The following SNRPN variants were observed in gnomAD, a reference collection of about 807,000 sequenced individuals.
The protein encoded by SNRPN is small nuclear ribonucleoprotein-associated protein N.
SNRPN carries 7 observed loss-of-function variants against 25.2 expected under a neutral mutation model. The ratio of observed to expected loss-of-function variants is 0.28; its 90% CI spans 0.16 to 0.52. SNRPN has a LOEUF of 0.52. Ranked by LOEUF, SNRPN falls within the 20% of genes least tolerant of loss-of-function variation. The pLI is 0.96. For synonymous variants in SNRPN, 124 were observed against 110.6 expected (o/e 1.12, Z -0.76); for missense variants, 196 against 322.5 (o/e 0.61, Z 3.00).
chr15:24,908,158 C>T (rs2058973924), intron 2 of SNRPN, among the ~76,000 whole-genome samples: 1 of 151,688 alleles, frequency 6.6e-6, no homozygotes, highest in Non-Finnish European at 1.5e-5. Flanking sequence ...AATTGGACTT[C>T]CTGACTCCAG....
At position 24,836,162 on chromosome 15, in the gene SNRPN, C is replaced by G. The variant is rs181676191; in HGVS notation, c.-579+6257C>G. ...TCACCTCTTCCTTCCCCTGTGCTTG[C>G]ACATCCCTGGTTCTCTCATCCAAGC... On this transcript the variant is annotated intron_variant, in intron 2 of 12. Coordinates refer to the SNRPN transcript ENST00000400100. 4.8e-3 allele frequency among the ~76,000 whole-genome samples: 731 copies of G among 152,144 alleles called. 2 individuals carry two copies. Among genetic ancestry groups the G allele is most frequent in the Non-Finnish European group, 7.6e-3 (515 of 68,038 alleles).
chr15:24,964,254 TGTC>T (rs1443229007), intron 2 of SNRPN, among the ~76,000 whole-genome samples: 28 of 152,228 alleles, frequency 1.8e-4, no homozygotes, highest in Non-Finnish European at 4.0e-4. Context: ...TAATATAATT[TGTC>T]CTTTATATAT....
intron 2 of SNRPN, chr15:24,908,819 T>C: frequency 1.9e-6 from 1 of 515,286 alleles, no homozygotes; most frequent in Non-Finnish European, 3.3e-6. Flanking sequence ...TCTGGAAATC[T>C]TTCTCTAGAG....
intron 3 of SNRPN, among the ~76,000 whole-genome samples, chr15:24,928,045 A>T (rs2060532517): frequency 6.6e-6 from 1 of 152,354 alleles, no homozygotes; most frequent in African/African-American, 2.4e-5. Context: ...ATCTCATCCC[A>T]GTTAGAATTT....
upstream of SNRPN, chr15:24,954,886 C>A: frequency 9.9e-7 from 1 of 1,005,152 alleles, no homozygotes; most frequent in Non-Finnish European, 1.5e-6. Context: ...GACCCCTGCA[C>A]TGCGGCAAAC....
intron 1 of SNRPN, among the ~76,000 whole-genome samples, chr15:24,863,696 C>G (rs1294878568): frequency 6.6e-6 from 1 of 150,776 alleles, no homozygotes. Flanking sequence ...TTTGCCTAAT[C>G]ATTCCTGAAG....
intron 2 of SNRPN, among the ~76,000 whole-genome samples, chr15:24,896,142 A>T (rs1024598923): frequency 5.1e-4 from 77 of 152,268 alleles, no homozygotes; most frequent in African/African-American, 1.8e-3. Flanking sequence ...AACAGGAAAA[A>T]CTTGATGAAG....
chr15:24,837,734 TTTTTTTTTGAGTTGGAGTC>T (rs1292123844), intron 2 of SNRPN, among the ~76,000 whole-genome samples: 1 of 151,506 alleles, frequency 6.6e-6, no homozygotes, highest in Non-Finnish European at 1.5e-5. Context: ...CTTTAAATTT[TTTTTTTTTGAGTTGGAGTC>T]TCACTCTGTC....
upstream of SNRPN, among the ~76,000 whole-genome samples, chr15:24,950,131 G>C (rs891388108): frequency 6.6e-6 from 1 of 151,800 alleles, no homozygotes; most frequent in African/African-American, 2.4e-5. Flanking sequence ...CTCACATTTT[G>C]TTTATTCATT....
chr15:24,855,096 T>A (rs541308840), upstream of SNRPN, among the ~76,000 whole-genome samples: 12 of 152,342 alleles, frequency 7.9e-5, no homozygotes, highest in South Asian at 4.1e-4. Flanking sequence ...TACACTTTTT[T>A]AAATCTTATT....
intron 3 of SNRPN, among the ~76,000 whole-genome samples, chr15:24,939,310 A>G (rs538784654): frequency 6.6e-6 from 1 of 152,068 alleles, no homozygotes; most frequent in South Asian, 2.1e-4. Context: ...TGTGATTTTG[A>G]TTTTGATTTT....
intron 3 of SNRPN, among the ~76,000 whole-genome samples, chr15:24,939,916 A>G (rs1386316387): frequency 1.3e-5 from 2 of 151,870 alleles, no homozygotes; most frequent in Admixed American, 6.6e-5. Context: ...CAGCCTCACA[A>G]GTAACTGGGA....
chr15:24,863,122 G>C (rs1228895703), intron 1 of SNRPN, among the ~76,000 whole-genome samples: 4 of 150,708 alleles, frequency 2.7e-5, no homozygotes, highest in Non-Finnish European at 5.9e-5. Context: ...GTCCTTGTTT[G>C]ATGGGAAGGA....
chr15:24,928,435 A>G (rs556359414), intron 3 of SNRPN, among the ~76,000 whole-genome samples: 14 of 152,124 alleles, frequency 9.2e-5, no homozygotes, highest in Non-Finnish European at 1.9e-4. Context: ...AGCAGCATGG[A>G]TGGAACTGGA....
Position 24,978,369 on chromosome 15 carries a change from G to A in SNRPN, c.686-38G>A, listed in dbSNP as rs752406726. The stretch of plus-strand genomic sequence containing the variant: ...GGTTCAGCCAGGCCCCTGAATATGT[G>A]TATCCTCTTTTTCTCAATGTTTCTA... On this transcript the variant is annotated intron_variant, in intron 9 of 9. Coordinates refer to ENST00000390687, the MANE Select transcript of SNRPN (RefSeq NM_003097.6). The A allele has an allele frequency of 1.9e-6, 3 of 1,613,978 alleles. No homozygotes were observed. The South Asian group carries it at 3.3e-5, about 18-fold the overall frequency.
At chr15:24,935,873 C>T (rs1159485647) in intron 3 of SNRPN, among the ~76,000 whole-genome samples, 1 of 152,110 alleles carries the variant, frequency 6.6e-6, no homozygotes, top group African/African-American at 2.4e-5. Flanking sequence ...AATCCCAGTA[C>T]TTTGGGAGGC....
intron 2 of SNRPN, among the ~76,000 whole-genome samples, chr15:24,835,061 G>GAT (rs1161927252): frequency 0.35 from 9,278 of 26,352 alleles, 2,031 homozygotes; most frequent in East Asian, 0.6. Context: ...TAAAAATATA[G>GAT]ATATATAGTA....
chr15:24,850,482 TGCATTTTTA>T (rs1359118193), intron 2 of SNRPN: 1 of 152,194 alleles, frequency 6.6e-6, no homozygotes, highest in Non-Finnish European at 1.5e-5. Context: ...AGCTAATTTT[TGCATTTTTA>T]GTAGAGACGG....
chr15:24,909,499 C>T, intron 2 of SNRPN: 5 of 1,547,392 alleles, frequency 3.2e-6, no homozygotes, highest in Non-Finnish European at 4.4e-6. Flanking sequence ...TACTGAGAAG[C>T]CTGCGGGCCA....
Sources: allele counts gnomAD v4.1 joint callset (sites outside exome capture counted in the v4.1 genomes callset), GRCh38; gene constraint gnomAD v4.1.1; transcripts MANE v1.5; gene names NCBI Gene and HGNC (gene_info 2026-07-23, HGNC 2026-07-21).